OR56A3: variants seen among roughly 807,000 people sequenced by gnomAD.
OR56A3 encodes the protein olfactory receptor 56A3.
OR56A3 carries 23 observed loss-of-function variants against 17.5 expected under a neutral mutation model. The ratio of observed to expected loss-of-function variants is 1.32; its 90% CI spans 0.95 to 1.87. The LOEUF (loss-of-function observed/expected upper bound fraction) is 1.87. OR56A3 is among the 40% of genes most tolerant of loss of function. OR56A3 has a pLI of 0.00. For synonymous variants in OR56A3, 175 were observed against 150.6 expected, an observed-to-expected ratio of 1.16 and a Z score of -1.19; for missense variants, 366 against 380.1, an observed-to-expected ratio of 0.96 and a Z score of 0.31.
chr11:5,996,187 A>G, the OR56A3 span, among the ~76,000 whole-genome samples: 12 of 152,202 alleles, frequency 7.9e-5, no homozygotes, highest in African/African-American at 2.9e-4. Flanking sequence ...GGGGAAAGAA[A>G]ATTTGGTACA....
In OR56A3 at chr11:5,947,165, C is replaced by A. The variant is rs968257070; in HGVS notation, c.-36-146C>A. The A allele has an allele frequency of 6.6e-6, 4 of 608,348 alleles. No homozygotes were observed. The Admixed American group carries it at 8.9e-5, about 13-fold the overall frequency. The allele number at this position is 608,348 out of a possible 1,614,324, so 37.7% of individuals were successfully genotyped here. ...ACTGTTTAAAGTGATAGGAATACCC[C>A]AGTGACATGACACTGAGGAAAAACA... On this transcript the variant is annotated intron_variant, in intron 2 of 2. Coordinates refer to ENST00000641160, the MANE Select transcript of OR56A3 (RefSeq NM_001003443.3).
At chr11:6,010,946 C>G in the OR56A3 span, among the ~76,000 whole-genome samples, 1 of 151,920 alleles carries the variant, frequency 6.6e-6, no homozygotes, top group African/African-American at 2.4e-5. Context: ...ATTTTATCTC[C>G]TCCCCTTGTG....
chr11:6,002,267 G>T, the OR56A3 span: 1 of 1,614,174 alleles, frequency 6.2e-7, no homozygotes, highest in South Asian at 1.1e-5. Context: ...AACCACACGT[G>T]CTCAAGGCCT....
chr11:6,016,508 T>C, the OR56A3 span, among the ~76,000 whole-genome samples: 2 of 151,852 alleles, frequency 1.3e-5, no homozygotes, highest in Non-Finnish European at 2.9e-5. Flanking sequence ...CACACAAAAA[T>C]TCTTTCCTTA....
rs1449239476 is a variant in OR56A3, at chr11:5,949,895, A to C, written c.*1601A>C. On this transcript the variant is annotated 3_prime_UTR_variant, in exon 3 of 3. Transcript: ENST00000641160. ...AAAGCATATAATCAATAATTTAATT[A>C]GAAATTTCTCAAAAGTGAAAAGCCA... 6.6e-6 allele frequency: 1 copy of C among 152,256 alleles called. No individual in the cohort carries two copies. Among genetic ancestry groups the C allele is most frequent in the Non-Finnish European group, 1.5e-5 (1 of 68,040 alleles). 9.4% of individuals were successfully genotyped at this position (152,256 alleles called of 1,614,324 possible). A position where few individuals can be genotyped will look rare whatever the true frequency, so the allele number is the denominator to read the frequency against.
the OR56A3 span, among the ~76,000 whole-genome samples, chr11:5,991,543 T>G: frequency 6.6e-6 from 1 of 152,030 alleles, no homozygotes; most frequent in Admixed American, 6.6e-5. Flanking sequence ...GAACAACTAT[T>G]CTAACTCAGA....
At chr11:5,998,759 C>A in the OR56A3 span, among the ~76,000 whole-genome samples, 47,467 of 152,150 alleles carry the variant, frequency 0.31, 7,611 homozygotes, top group South Asian at 0.49. Flanking sequence ...ATTCTTAACA[C>A]TGCTTTGAGC....
chr11:5,980,386 G>T, the OR56A3 span, among the ~76,000 whole-genome samples: 1 of 151,538 alleles, frequency 6.6e-6, no homozygotes, highest in Non-Finnish European at 1.5e-5. Context: ...TATATATTTA[G>T]GATAGTTGAG....
chr11:5,963,630 T>G, the OR56A3 span, among the ~76,000 whole-genome samples: 1 of 152,162 alleles, frequency 6.6e-6, no homozygotes, highest in South Asian at 2.1e-4. Flanking sequence ...AGATCCCCTT[T>G]TTGTCTGAGC....
the OR56A3 span, among the ~76,000 whole-genome samples, chr11:6,005,908 G>A: frequency 5.3e-5 from 8 of 152,274 alleles, no homozygotes; most frequent in Non-Finnish European, 1.0e-4. Context: ...TGAATTTTCC[G>A]AGGACACAAA....
the OR56A3 span, among the ~76,000 whole-genome samples, chr11:6,014,740 G>T: frequency 6.6e-6 from 1 of 152,078 alleles, no homozygotes; most frequent in East Asian, 1.9e-4. Flanking sequence ...ATTTTTGTGA[G>T]CAAAATGCTG....
At chr11:5,954,420 T>G (rs1215269001), downstream of OR56A3, among the ~76,000 whole-genome samples, 1 of 152,154 alleles carries the variant, frequency 6.6e-6, no homozygotes, top group East Asian at 1.9e-4. Flanking sequence ...GTTAATGGAA[T>G]GAAATAAGGT....
At chr11:5,992,449 T>C in the OR56A3 span, among the ~76,000 whole-genome samples, 11 of 152,344 alleles carry the variant, frequency 7.2e-5, 1 homozygote, top group South Asian at 2.3e-3. Flanking sequence ...TAATTTCTTC[T>C]TCTGCTTCAT....
the OR56A3 span, among the ~76,000 whole-genome samples, chr11:6,011,253 A>AT: frequency 6.9e-6 from 1 of 145,516 alleles, no homozygotes; most frequent in African/African-American, 2.5e-5. Flanking sequence ...CAGCTGGGGA[A>AT]TTTTTTATGC....
the OR56A3 span, among the ~76,000 whole-genome samples, chr11:5,976,375 A>G: frequency 6.6e-6 from 1 of 152,126 alleles, no homozygotes; most frequent in African/African-American, 2.4e-5. Context: ...TGAAAGGAAA[A>G]GCTATCTTTT....
chr11:5,971,690 A>G, the OR56A3 span, among the ~76,000 whole-genome samples: 56 of 152,242 alleles, frequency 3.7e-4, no homozygotes, highest in African/African-American at 1.4e-3. Flanking sequence ...GTTAACAACT[A>G]TTATAAAGGA....
chr11:5,999,266 C>T, the OR56A3 span, among the ~76,000 whole-genome samples: 1 of 152,022 alleles, frequency 6.6e-6, no homozygotes. Context: ...ATAAGGTGTG[C>T]AATAACGGTC....
At chr11:5,986,994 A>C in the OR56A3 span, 20 of 1,484,858 alleles carry the variant, frequency 1.3e-5, no homozygotes, top group Non-Finnish European at 1.7e-5. Context: ...CCTGAGAAGA[A>C]TAAAGTGACT....
At chr11:6,006,790 T>C in the OR56A3 span, 1 of 152,156 alleles carries the variant, frequency 6.6e-6, no homozygotes, top group Non-Finnish European at 1.5e-5. Context: ...TGTGGCAAGG[T>C]TGTCATCTAC....
Sources: allele counts gnomAD v4.1 joint callset (sites outside exome capture counted in the v4.1 genomes callset), GRCh38; gene constraint gnomAD v4.1.1; transcripts MANE v1.5; gene names NCBI Gene and HGNC (gene_info 2026-07-23, HGNC 2026-07-21).